ETFA: variants seen among roughly 807,000 people sequenced by gnomAD.
ETFA encodes electron transfer flavoprotein subunit alpha, mitochondrial.
A neutral mutation model predicts 46.2 loss-of-function variants in ETFA; 22 were observed. That is an observed-to-expected ratio of 0.48 (90% CI 0.34 to 0.68). The LOEUF (loss-of-function observed/expected upper bound fraction) is 0.68. ETFA is among the 30% of genes least tolerant of loss of function. ETFA has a pLI of 0.01. For missense variants in ETFA, 345 were observed against 401.1 expected (o/e 0.86, Z 1.19); for synonymous variants, 131 against 139.9 (o/e 0.94, Z 0.45).
At chr15:76,277,712 A>C (rs1048435441) in intron 8 of ETFA, among the ~76,000 whole-genome samples, 1 of 152,188 alleles carries the variant, frequency 6.6e-6, no homozygotes, top group Non-Finnish European at 1.5e-5. Flanking sequence ...CAAGTTGGCC[A>C]GGCTGGTCTC....
At chr15:76,248,107 C>T (rs747270746) in intron 9 of ETFA, among the ~76,000 whole-genome samples, 2 of 152,098 alleles carry the variant, frequency 1.3e-5, no homozygotes, top group Non-Finnish European at 2.9e-5. Flanking sequence ...CAGCTAAAAA[C>T]ATTTTGGAGA....
At chr15:76,276,552 TC>T (rs1292192612) in intron 8 of ETFA, among the ~76,000 whole-genome samples, 1 of 152,118 alleles carries the variant, frequency 6.6e-6, no homozygotes, top group African/African-American at 2.4e-5. Flanking sequence ...CTTCTAGTAT[TC>T]CCATTACATG....
At chr15:76,244,664 G>GAA (rs74311158) in intron 9 of ETFA, among the ~76,000 whole-genome samples, 37 of 141,958 alleles carry the variant, frequency 2.6e-4, no homozygotes, top group African/African-American at 9.6e-4. Context: ...GTTTTTATAG[G>GAA]AAAAAAAAAA....
chr15:76,242,164 C>A (rs373891972), intron 9 of ETFA, among the ~76,000 whole-genome samples: 2 of 152,138 alleles, frequency 1.3e-5, no homozygotes, highest in African/African-American at 4.8e-5. Context: ...CAGCAAAGTT[C>A]TTTAATTGAT....
intron 11 of ETFA, among the ~76,000 whole-genome samples, chr15:76,223,930 T>A (rs2038981118): frequency 6.6e-6 from 1 of 152,228 alleles, no homozygotes; most frequent in Non-Finnish European, 1.5e-5. Context: ...TATCTTTTTA[T>A]CATGAAAGCC....
At chr15:76,253,294 C>CA (rs1596200725) in intron 9 of ETFA, among the ~76,000 whole-genome samples, 1 of 151,850 alleles carries the variant, frequency 6.6e-6, no homozygotes, top group East Asian at 1.9e-4. Context: ...GTGAATGACC[C>CA]AAAAAAGCAT....
intron 8 of ETFA, among the ~76,000 whole-genome samples, chr15:76,281,332 T>C (rs1449180598): frequency 2.6e-5 from 4 of 152,110 alleles, no homozygotes; most frequent in African/African-American, 4.8e-5. Context: ...TAAGGCCAAA[T>C]CTGGCTATCT....
intron 9 of ETFA, among the ~76,000 whole-genome samples, chr15:76,232,654 A>T (rs1364626294): frequency 6.6e-6 from 1 of 152,236 alleles, no homozygotes; most frequent in Non-Finnish European, 1.5e-5. Context: ...ATCTGAAAAT[A>T]ATGTTATTAC....
chr15:76,243,336 A>T (rs1355029850), intron 9 of ETFA, among the ~76,000 whole-genome samples: 1 of 151,860 alleles, frequency 6.6e-6, no homozygotes, highest in Non-Finnish European at 1.5e-5. Context: ...TTACCACAAT[A>T]AAAAAAATCA....
chr15:76,272,513 C>T (rs1211256558), intron 9 of ETFA, among the ~76,000 whole-genome samples: 2 of 152,076 alleles, frequency 1.3e-5, no homozygotes, highest in Non-Finnish European at 2.9e-5. Context: ...AGCCACTGCG[C>T]CCAGCCTGAA....
At chr15:76,293,005 C>T (rs1252161558) in intron 2 of ETFA, among the ~76,000 whole-genome samples, 2 of 152,010 alleles carry the variant, frequency 1.3e-5, no homozygotes, top group Admixed American at 6.6e-5. Context: ...GGCATGGTGG[C>T]GGGCACCTGT....
chr15:76,232,469 A>G (rs2039078969), intron 9 of ETFA, among the ~76,000 whole-genome samples: 1 of 152,190 alleles, frequency 6.6e-6, no homozygotes, highest in Non-Finnish European at 1.5e-5. Flanking sequence ...TCTCTCCTCA[A>G]TATGAATAAT....
chr15:76,291,291 A>C (rs1412845313), intron 4 of ETFA, among the ~76,000 whole-genome samples: 1 of 151,976 alleles, frequency 6.6e-6, no homozygotes, highest in Non-Finnish European at 1.5e-5. Flanking sequence ...AAACATACAA[A>C]AATTAGCCAG....
intron 7 of ETFA, 150 bp downstream of exon 7, chr15:76,285,487 T>G (rs1307094798): frequency 3.3e-6 from 2 of 608,722 alleles, no homozygotes; most frequent in Non-Finnish European, 5.9e-6. Flanking sequence ...AATTTCATTT[T>G]CCTAATTGGT....
chr15:76,228,023 T>G (rs78057253), intron 10 of ETFA: 8,471 of 453,644 alleles, frequency 0.019, 492 homozygotes, highest in African/African-American at 0.14. Flanking sequence ...GGTGTTGATT[T>G]GCATTGGCGT....
chr15:76,283,410 T>G (rs2039674190), intron 8 of ETFA, among the ~76,000 whole-genome samples: 1 of 152,140 alleles, frequency 6.6e-6, no homozygotes, highest in South Asian at 2.1e-4. Context: ...AGGGCTGGTC[T>G]CAAATTCCTG....
At position 76,295,944 on chromosome 15, in the gene ETFA, T is replaced by C. The variant is rs2039817930; in HGVS notation, c.40-207A>G. 2.4e-5 allele frequency among the ~76,000 whole-genome samples: 2 copies of C among 83,372 alleles called. 1 individual carries two copies. The highest frequency in any genetic ancestry group is 7.8e-5 in the African/African-American group (2 of 25,762). 54.7% of individuals were successfully genotyped at this position (83,372 alleles called of 152,430 possible). ...ACTGTACCACTAATATTCTTTTTTT[T>C]TTTTTTTTTTTTTTTGAGATGGAGT... On this transcript the variant is annotated intron_variant, in intron 1 of 11. Transcript: ENST00000557943.
At chr15:76,256,561 G>A (rs2039347702) in intron 9 of ETFA, among the ~76,000 whole-genome samples, 1 of 152,178 alleles carries the variant, frequency 6.6e-6, no homozygotes, top group South Asian at 2.1e-4. Context: ...GATAACAACT[G>A]ATAGTATTTC....
Position 76,283,354 on chromosome 15 carries a change from G to A in ETFA, c.733+403C>T, listed in dbSNP as rs376117024. ...CTACAAGCACACACCAATATGCCTG[G>A]CTAATTTTTAAACGTTTTGTAGAGA... On this transcript the variant is annotated intron_variant, in intron 8 of 11. Coordinates refer to ENST00000557943, the MANE Select transcript of ETFA (RefSeq NM_000126.4). 5.5e-4 allele frequency among the ~76,000 whole-genome samples: 83 copies of A among 152,136 alleles called. No homozygotes were observed. The South Asian group carries it at 0.017, about 30-fold the overall frequency.
Sources: gnomAD v4.1 joint callset for allele counts (sites outside exome capture counted in the v4.1 genomes callset) on GRCh38, gnomAD v4.1.1 for gene constraint, MANE v1.5 for transcripts, NCBI Gene and HGNC (gene_info 2026-07-23, HGNC 2026-07-21) for gene names.